EIF2B3: variants seen among roughly 807,000 people sequenced by gnomAD.
EIF2B3 encodes the protein eukaryotic translation initiation factor 2B subunit gamma.
Under a neutral mutation model 54.1 loss-of-function variants are expected in EIF2B3, and 20 were observed. That is an observed-to-expected ratio of 0.37 (90% CI 0.26 to 0.54). EIF2B3 has a LOEUF of 0.54. EIF2B3 is among the 20% of genes least tolerant of loss of function. The probability of loss-of-function intolerance (pLI) is 0.86; values close to 1 mark genes in which losing one functional copy is unlikely to be tolerated. For synonymous variants in EIF2B3, 153 were observed against 188.1 expected (o/e 0.81, Z 1.52); for missense variants, 448 against 547.8 (o/e 0.82, Z 1.82).
chr1:44,886,205 G>A (rs549180068), intron 6 of EIF2B3, among the ~76,000 whole-genome samples: 25 of 151,648 alleles, frequency 1.6e-4, no homozygotes, highest in African/African-American at 5.6e-4. Context: ...TCAAGCTCCC[G>A]AGTAGCTGGG....
intron 1 of EIF2B3, among the ~76,000 whole-genome samples, chr1:44,984,535 C>T (rs376977209): frequency 6.6e-6 from 1 of 151,918 alleles, no homozygotes; most frequent in Non-Finnish European, 1.5e-5. Flanking sequence ...TGATCAGGGG[C>T]CTGACATTTA....
rs968805376 is a variant in EIF2B3, at chr1:44,940,356, ATCAT to A, written c.454+1146_454+1149del. ...AGGAAAACTTCAAGGAAAAAAACAC[ATCAT>A]TCAGGAAAATTTAAACCCATAAAAG... On this transcript the variant is annotated intron_variant, in intron 4 of 11. Transcript: ENST00000360403. 1.2e-3 allele frequency among the ~76,000 whole-genome samples: 183 copies of A among 152,332 alleles called. 1 individual carries two copies. Among genetic ancestry groups the A allele is most frequent in the African/African-American group, 4.3e-3 (180 of 41,576 alleles).
chr1:44,946,050 C>CAGG (rs1644098457), intron 3 of EIF2B3, among the ~76,000 whole-genome samples: 1 of 152,166 alleles, frequency 6.6e-6, no homozygotes, highest in Non-Finnish European at 1.5e-5. Flanking sequence ...CCAAACAAGT[C>CAGG]CTGCATAATT....
rs201613944 is a variant in EIF2B3 at position 44,874,736 on chromosome 1, T to C, written c.1144A>G (p.Lys382Glu). The C allele has an allele frequency of 3.1e-6, 5 of 1,614,156 alleles. No individual in the cohort carries two copies. Among genetic ancestry groups the C allele is most frequent in the South Asian group, 1.1e-5 (1 of 91,080 alleles). Residue 382 changes from lysine to glutamate, a missense_variant, in exon 10 of 12, where the codon AAA (lysine) becomes GAA (glutamate). Physicochemically the swap from Lys to Glu is moderately conservative, Grantham distance 56 (BLOSUM62 1). This residue lies in a region of EIF2B3 where 350 missense variants were observed against 414.2 expected (regional missense o/e 0.85). Coordinates refer to ENST00000360403, the MANE Select transcript of EIF2B3 (RefSeq NM_020365.5). ...CAATTGGTAATAGTCACTCTATCTT[T>C]TATGAGACAGGATGAGCCAATGACT... ...RSVIGSSCLI[K>E]DRVTITNCLL...
intron 10 of EIF2B3, among the ~76,000 whole-genome samples, chr1:44,871,636 A>C (rs1654968625): frequency 6.6e-6 from 1 of 152,174 alleles, no homozygotes; most frequent in African/African-American, 2.4e-5. Flanking sequence ...TGAACAAGAG[A>C]GATAAGGCAC....
intron 10 of EIF2B3, among the ~76,000 whole-genome samples, chr1:44,858,450 T>TA (rs1243036316): frequency 1.3e-5 from 2 of 152,116 alleles, no homozygotes; most frequent in Non-Finnish European, 2.9e-5. Context: ...AGACTCTGGT[T>TA]AAGCAAAGCC....
intron 3 of EIF2B3, among the ~76,000 whole-genome samples, chr1:44,971,847 A>G (rs1204724635): frequency 6.6e-6 from 1 of 151,960 alleles, no homozygotes; most frequent in Non-Finnish European, 1.5e-5. Context: ...CCTGGCCAAC[A>G]TGGTGAAACC....
At chr1:44,902,506 A>C (rs1255616459) in intron 5 of EIF2B3, among the ~76,000 whole-genome samples, 1 of 151,872 alleles carries the variant, frequency 6.6e-6, no homozygotes, top group East Asian at 1.9e-4. Context: ...ATAATAATTA[A>C]AAAAAAGAAA....
intron 10 of EIF2B3, among the ~76,000 whole-genome samples, chr1:44,871,316 G>T (rs1654957764): frequency 6.6e-6 from 1 of 152,100 alleles, no homozygotes; most frequent in African/African-American, 2.4e-5. Context: ...TATTTTACCA[G>T]AATTATTTCA....
At chr1:44,985,954 C>T (rs1644569877) in intron 1 of EIF2B3, among the ~76,000 whole-genome samples, 2 of 152,136 alleles carry the variant, frequency 1.3e-5, no homozygotes, top group South Asian at 4.1e-4. Flanking sequence ...CCTCACTGCT[C>T]CTCCCTATAT....
intron 3 of EIF2B3, among the ~76,000 whole-genome samples, chr1:44,975,100 C>T (rs532602792): frequency 1.4e-4 from 21 of 152,078 alleles, no homozygotes; most frequent in African/African-American, 4.6e-4. Flanking sequence ...TGCCTGTAGT[C>T]CCATCTACTT....
chr1:44,974,473 T>TAA (rs79071703), intron 3 of EIF2B3, among the ~76,000 whole-genome samples: 4 of 117,228 alleles, frequency 3.4e-5, no homozygotes, highest in South Asian at 5.3e-4. Flanking sequence ...GACCCTGGTC[T>TAA]AAAAAAAAAA....
Position 44,906,592 on chromosome 1 carries a change from G to A in EIF2B3, c.567-9148C>T, listed in dbSNP as rs1025834579. Among the ~76,000 whole-genome samples the A allele has an allele frequency of 9.2e-5, 14 of 152,232 alleles. 1 individual carries two copies. The highest frequency in any genetic ancestry group is 7.9e-4 in the Admixed American group (12 of 15,286). On this transcript the variant is annotated intron_variant, in intron 5 of 11. Transcript: ENST00000360403. The stretch of plus-strand genomic sequence containing the variant: ...ATTTTTTGTATTTAGTAGAGACAGG[G>A]TTTCATTATGTTGGTCAGGCTGGTC...
intron 5 of EIF2B3, among the ~76,000 whole-genome samples, chr1:44,923,940 CTTT>C (rs570038780): frequency 6.1e-5 from 8 of 131,714 alleles, no homozygotes; most frequent in Non-Finnish European, 6.5e-5. Context: ...AATTTCTTTC[CTTT>C]TTTTTTTTTT....
In EIF2B3 at chr1:44,875,679, G is replaced by C. The variant is rs778184497; in HGVS notation, c.992C>G (p.Ser331Cys). The C allele has an allele frequency of 6.2e-7, 1 of 1,614,178 alleles. No homozygotes were observed. Among genetic ancestry groups the C allele is most frequent in the South Asian group, 1.1e-5 (1 of 91,086 alleles). ...TGGTGGTTCTTCTGGACAGAGAGCA[G>C]ACAGCAATTTGGGCACCTTAAGGAC... ...EANRQVPKLL[S>C]ALCPEEPPVH... The change falls in exon 9 of 12, where the codon TCT (serine) becomes TGT (cysteine). Residue 331 changes from serine to cysteine, a missense_variant. By Grantham distance (112) the Ser-to-Cys change is moderately radical. Transcript: ENST00000360403.
intron 1 of EIF2B3, among the ~76,000 whole-genome samples, chr1:44,984,715 G>C (rs1372061536): frequency 1.3e-5 from 2 of 151,422 alleles, no homozygotes; most frequent in Non-Finnish European, 2.9e-5. Context: ...TTTATGATGG[G>C]GATAATTATA....
intron 5 of EIF2B3, among the ~76,000 whole-genome samples, 198 bp from the exon 6 acceptor site, chr1:44,897,642 C>A (rs1656017592): frequency 6.6e-6 from 1 of 152,122 alleles, no homozygotes; most frequent in Admixed American, 6.6e-5. Flanking sequence ...TCCCTAGAAA[C>A]CCTATGGCAT....
At chr1:44,857,651 T>A in intron 11 of EIF2B3, 53 bp downstream of exon 11, 17 of 1,522,792 alleles carry the variant, frequency 1.1e-5, no homozygotes, top group East Asian at 2.3e-5. Flanking sequence ...TTTGGCATTA[T>A]CAGTGCTGGT....
At chr1:44,869,732 C>T (rs1055693016) in intron 10 of EIF2B3, among the ~76,000 whole-genome samples, 1 of 148,910 alleles carries the variant, frequency 6.7e-6, no homozygotes, top group Non-Finnish European at 1.5e-5. Context: ...TCCTGAATAT[C>T]TGGGACTATA....
Sources: gnomAD v4.1 joint callset for allele counts (sites outside exome capture counted in the v4.1 genomes callset) on GRCh38, gnomAD v4.1.1 for gene constraint, gnomAD v4.1.1 regional missense constraint, MANE v1.5 for transcripts, NCBI Gene and HGNC (gene_info 2026-07-23, HGNC 2026-07-21) for gene names.